Variants in MORN1 observed in about 807,000 individuals in gnomAD.
The protein encoded by MORN1 is MORN repeat containing 1.
In MORN1, 67 loss-of-function variants were observed where a neutral mutation model predicts 61.9. The ratio of observed to expected loss-of-function variants is 1.08; its 90% CI spans 0.89 to 1.33. The LOEUF is 1.33. Among genes scored for constraint, MORN1 ranks in the 40% most tolerant of loss-of-function variants. The probability of loss-of-function intolerance (pLI) is 0.00; values close to 1 mark genes in which losing one functional copy is unlikely to be tolerated. For synonymous variants in MORN1, 301 were observed against 292.0 expected, an observed-to-expected ratio of 1.03 and a Z score of -0.31; for missense variants, 752 against 691.2, an observed-to-expected ratio of 1.09 and a Z score of -0.99.
intron 6 of MORN1, among the ~76,000 whole-genome samples, chr1:2,384,458 ATTATT>A (rs1252894019): frequency 6.6e-6 from 1 of 152,242 alleles, no homozygotes; most frequent in Non-Finnish European, 1.5e-5. Flanking sequence ...TTTTGAGCAG[ATTATT>A]TTGAGAAACT....
In MORN1 at chr1:2,323,472, G is replaced by A. The variant is rs377210855; in HGVS notation, c.1297+625C>T. 4.4e-5 allele frequency: 43 copies of A among 985,406 alleles called. No homozygotes were observed. In the East Asian group the frequency reaches 7.9e-4, roughly 18 times the overall value. 61.0% of individuals were successfully genotyped at this position (985,406 alleles called of 1,614,324 possible). A position where few individuals can be genotyped will look rare whatever the true frequency, so the allele number is the denominator to read the frequency against. On this transcript the variant is annotated intron_variant, in intron 13 of 13. Coordinates refer to ENST00000378531, the MANE Select transcript of MORN1 (RefSeq NM_024848.3). ...CGTCAGGCAGCCAGTCAGCCGCGGT[G>A]CCCAGGTCCTGCTAGGGGTCCGAGC...
intron 8 of MORN1, among the ~76,000 whole-genome samples, chr1:2,360,636 G>C (rs1641872907): frequency 6.6e-6 from 1 of 152,138 alleles, no homozygotes; most frequent in Non-Finnish European, 1.5e-5. Context: ...CCTGAGTAGA[G>C]GGAGGACCCT....
intron 7 of MORN1, among the ~76,000 whole-genome samples, chr1:2,373,980 G>A (rs1208219657): frequency 6.6e-6 from 1 of 152,230 alleles, no homozygotes; most frequent in East Asian, 1.9e-4. Context: ...AGGTTTGGAT[G>A]AGTGTTGTGT....
chr1:2,368,626 T>C (rs1427276650), intron 8 of MORN1, among the ~76,000 whole-genome samples: 2 of 152,178 alleles, frequency 1.3e-5, no homozygotes, highest in Non-Finnish European at 2.9e-5. Flanking sequence ...AAGTTCTGCC[T>C]CTTATCTCCA....
At chr1:2,349,035 A>G (rs948233931) in intron 10 of MORN1, among the ~76,000 whole-genome samples, 1 of 151,866 alleles carries the variant, frequency 6.6e-6, no homozygotes, top group Non-Finnish European at 1.5e-5. Context: ...GGGACACCCC[A>G]TGGATGCTGC....
intron 12 of MORN1, among the ~76,000 whole-genome samples, chr1:2,327,193 CACAG>C (rs1641048220): frequency 6.7e-6 from 1 of 149,106 alleles, no homozygotes; most frequent in African/African-American, 2.5e-5. Context: ...GACACAGAGA[CACAG>C]AAACACACAG....
chr1:2,347,052 G>A (rs1641534510), intron 10 of MORN1, among the ~76,000 whole-genome samples: 1 of 152,186 alleles, frequency 6.6e-6, no homozygotes, highest in East Asian at 1.9e-4. Context: ...ACTCTTGGGA[G>A]ATGGGGAACT....
chr1:2,380,413 AGCACTTGGG>A (rs1310016659), intron 6 of MORN1, among the ~76,000 whole-genome samples: 1 of 152,224 alleles, frequency 6.6e-6, no homozygotes, highest in Non-Finnish European at 1.5e-5. Context: ...CCAAGGCAGA[AGCACTTGGG>A]GCCCAGGAAT....
In MORN1 at chr1:2,391,511, G is replaced by A. The variant is rs1642664971; in HGVS notation, c.23C>T (p.Thr8Ile). The change falls in exon 1 of 14, where the codon ACC (threonine) becomes ATC (isoleucine). Residue 8 changes from threonine (T) to isoleucine (I), a missense_variant. Coordinates refer to ENST00000378531, the MANE Select transcript of MORN1 (RefSeq NM_024848.3). ...CCGACGCGGCCCGCGGGAGCTCGGG[G>A]TGCCCTCGCCCGCCGCTGCCATCTT... MAAAGEG[T>I]PSSRGPRRDP... 1 of 1,250,594 alleles carries A rather than the reference G, an allele frequency of 8.0e-7. No homozygotes were observed. The highest frequency in any genetic ancestry group is 1.0e-6 in the Non-Finnish European group (1 of 991,632). 77.5% of individuals were successfully genotyped at this position (1,250,594 alleles called of 1,614,324 possible).
In MORN1 at chr1:2,351,820, C is replaced by T. The variant is rs1175755620; in HGVS notation, c.1036+5612G>A. 1.1e-5 allele frequency: 6 copies of T among 539,020 alleles called. No homozygotes were observed. In the Admixed American group the frequency reaches 1.3e-4, roughly 12 times the overall value. The allele number at this position is 539,020 out of a possible 1,614,324, so 33.4% of individuals were successfully genotyped here. On this transcript the variant is annotated intron_variant, in intron 10 of 13. Transcript: ENST00000378531. ...TGTAGGATACGTCTCATTCTGTGGT[C>T]CGTGTGTGGCAGCATCTTGCTACTC...
At chr1:2,370,205 G>C (rs769105070) in intron 8 of MORN1, among the ~76,000 whole-genome samples, 1 of 152,234 alleles carries the variant, frequency 6.6e-6, no homozygotes, top group African/African-American at 2.4e-5. Flanking sequence ...TCTTAGGGCT[G>C]ACTGATTTTC....
At chr1:2,382,575 G>A (rs1267531716) in intron 6 of MORN1, among the ~76,000 whole-genome samples, 1 of 152,190 alleles carries the variant, frequency 6.6e-6, no homozygotes, top group Admixed American at 6.5e-5. Flanking sequence ...GTGGGAAGGG[G>A]CGGGCAGAAG....
chr1:2,382,539 T>A (rs1280117004), intron 6 of MORN1, among the ~76,000 whole-genome samples: 1 of 151,560 alleles, frequency 6.6e-6, no homozygotes, highest in Non-Finnish European at 1.5e-5. Flanking sequence ...ATGGTGGCAG[T>A]GGGGTGGGGG....
intron 1 of MORN1, among the ~76,000 whole-genome samples, chr1:2,390,928 T>C (rs1292561145): frequency 1.3e-5 from 2 of 152,184 alleles, no homozygotes; most frequent in East Asian, 3.9e-4. Context: ...TATTTTTTAG[T>C]AGAGACCGGG....
chr1:2,326,028 G>T (rs558948657), intron 12 of MORN1, among the ~76,000 whole-genome samples: 141 of 152,198 alleles, frequency 9.3e-4, no homozygotes, highest in African/African-American at 3.3e-3. Flanking sequence ...GCACCCTCCC[G>T]CGGCCTCCTC....
intron 6 of MORN1, among the ~76,000 whole-genome samples, chr1:2,383,965 G>C (rs921966567): frequency 1.3e-5 from 2 of 152,180 alleles, no homozygotes; most frequent in Non-Finnish European, 1.5e-5. Context: ...CACCGCAGAG[G>C]GTCTGTCTCC....
intron 10 of MORN1, among the ~76,000 whole-genome samples, chr1:2,342,486 G>A (rs960157246): frequency 3.3e-5 from 5 of 152,264 alleles, no homozygotes; most frequent in African/African-American, 1.2e-4. Context: ...CAGGGCATTA[G>A]TCTTTAAGAG....
chr1:2,381,710 G>C (rs565380989), intron 6 of MORN1, among the ~76,000 whole-genome samples: 1 of 152,158 alleles, frequency 6.6e-6, no homozygotes, highest in Non-Finnish European at 1.5e-5. Flanking sequence ...CCACCAAGGG[G>C]AGAAACCATC....
intron 13 of MORN1, chr1:2,321,985 A>C: frequency 5.3e-5 from 46 of 875,732 alleles, no homozygotes; most frequent in East Asian, 1.2e-4. Flanking sequence ...GGAGAAAAAT[A>C]ATTCATTCCC....
Sources: allele counts gnomAD v4.1 joint callset (sites outside exome capture counted in the v4.1 genomes callset), GRCh38; gene constraint gnomAD v4.1.1; transcripts MANE v1.5; gene names NCBI Gene and HGNC (gene_info 2026-07-23, HGNC 2026-07-21).